MAST2: variants seen among roughly 807,000 people sequenced by gnomAD.
MAST2 encodes the protein microtubule associated serine/threonine kinase 2, also known as microtubule-associated serine/threonine-protein kinase 2.
In MAST2, 70 loss-of-function variants were observed where a neutral mutation model predicts 147.4. The ratio of observed to expected loss-of-function variants is 0.47; its 90% confidence interval spans 0.39 to 0.58. The LOEUF (loss-of-function observed/expected upper bound fraction) is 0.58, where lower values mean the gene tolerates loss of function less well. Ranked by LOEUF, MAST2 falls within the 20% of genes least tolerant of loss-of-function variation. MAST2 has a pLI of 0.00. For synonymous variants in MAST2, 869 were observed against 896.8 expected, an observed-to-expected ratio of 0.97 and a Z score of 0.55; for missense variants, 2,080 against 2,302.3, an observed-to-expected ratio of 0.90 and a Z score of 1.98.
intron 1 of MAST2, among the ~76,000 whole-genome samples, chr1:45,819,983 CAT>C (rs1644571432): frequency 6.6e-6 from 1 of 152,070 alleles, no homozygotes; most frequent in African/African-American, 2.4e-5. Context: ...ATGGTACTGA[CAT>C]AAAAACAAAC....
intron 4 of MAST2, among the ~76,000 whole-genome samples, chr1:45,920,862 G>A (rs1653348303): frequency 6.6e-6 from 1 of 151,322 alleles, no homozygotes; most frequent in African/African-American, 2.4e-5. Flanking sequence ...TTTTTTCGAT[G>A]AGGTGGATAA....
chr1:45,895,147 A>G (rs1304946931), intron 4 of MAST2, among the ~76,000 whole-genome samples: 1 of 152,214 alleles, frequency 6.6e-6, no homozygotes, highest in Non-Finnish European at 1.5e-5. Flanking sequence ...GTAGAATTTC[A>G]TATAAATGAA....
chr1:45,820,071 G>A lies in MAST2; in HGVS notation c.178-4362G>A, dbSNP rs57821883. On this transcript the variant is annotated intron_variant, in intron 1 of 28. Coordinates refer to ENST00000361297, the MANE Select transcript of MAST2 (RefSeq NM_015112.3). ...CAGTGAACTGGTTTTTGACAGAGGT[G>A]CCAAGAACATACTTTGGTAAAAGGA... 3.4e-3 allele frequency among the ~76,000 whole-genome samples: 525 copies of A among 152,234 alleles called. 2 individuals carry two copies. Among genetic ancestry groups the A allele is most frequent in the African/African-American group, 0.011 (476 of 41,552 alleles).
chr1:45,893,085 T>A (rs910101066), intron 4 of MAST2, among the ~76,000 whole-genome samples: 9 of 152,168 alleles, frequency 5.9e-5, no homozygotes, highest in Non-Finnish European at 8.8e-5. Flanking sequence ...TATATTTTTA[T>A]AAAACTCCAG....
chr1:45,884,203 T>C (rs1022828050), intron 4 of MAST2, among the ~76,000 whole-genome samples: 7 of 152,086 alleles, frequency 4.6e-5, no homozygotes, highest in Non-Finnish European at 8.8e-5. Flanking sequence ...TCCTCTTTTT[T>C]GATAAAGTAA....
chr1:45,990,722 G>GCAGT (rs1644825069), intron 5 of MAST2, among the ~76,000 whole-genome samples: 1 of 152,154 alleles, frequency 6.6e-6, no homozygotes, highest in South Asian at 2.1e-4. Flanking sequence ...CTGGGCTCAA[G>GCAGT]CAGTCCTCCA....
intron 3 of MAST2, among the ~76,000 whole-genome samples, chr1:45,852,903 T>C (rs576860408): frequency 6.6e-6 from 1 of 152,270 alleles, no homozygotes; most frequent in Admixed American, 6.5e-5. Context: ...CAATGGATTT[T>C]TTTAAAGCTA....
chr1:45,876,544 G>T (rs1358266233), intron 3 of MAST2, among the ~76,000 whole-genome samples: 2 of 152,182 alleles, frequency 1.3e-5, no homozygotes, highest in African/African-American at 4.8e-5. Context: ...TTGCTGGAAG[G>T]TTATGAGTAA....
At chr1:45,910,575 T>C (rs958281150) in intron 4 of MAST2, among the ~76,000 whole-genome samples, 1 of 152,238 alleles carries the variant, frequency 6.6e-6, no homozygotes, top group African/African-American at 2.4e-5. Flanking sequence ...TGTTCCTCAA[T>C]TGCTGTGTGC....
chr1:45,837,317 T>A (rs944937938), intron 3 of MAST2, among the ~76,000 whole-genome samples: 1 of 152,190 alleles, frequency 6.6e-6, no homozygotes, highest in East Asian at 1.9e-4. Flanking sequence ...CTGATGTGCT[T>A]TTTGTCACTG....
chr1:45,821,509 TTTC>T (rs986258594), intron 1 of MAST2, among the ~76,000 whole-genome samples: 2 of 140,978 alleles, frequency 1.4e-5, no homozygotes, highest in Admixed American at 8.0e-5. Context: ...TGGTATGTTA[TTTC>T]TTCTTTTTTT....
intron 4 of MAST2, among the ~76,000 whole-genome samples, chr1:45,932,774 G>A (rs1422206125): frequency 2.0e-5 from 3 of 152,064 alleles, no homozygotes; most frequent in Non-Finnish European, 4.4e-5. Flanking sequence ...GCTCAAAATT[G>A]TATCATATCT....
At chr1:45,964,118 CA>C (rs1267181546) in intron 5 of MAST2, among the ~76,000 whole-genome samples, 1 of 152,142 alleles carries the variant, frequency 6.6e-6, no homozygotes, top group African/African-American at 2.4e-5. Flanking sequence ...TTCAGTTTGC[CA>C]GTATTTTATT....
At chr1:45,847,459 TAAGATTGA>T (rs1645476647) in intron 3 of MAST2, 2 of 613,082 alleles carry the variant, frequency 3.3e-6, no homozygotes, top group Non-Finnish European at 5.8e-6. Context: ...TTTTCACCAA[TAAGATTGA>T]AACACAAGGC....
intron 4 of MAST2, among the ~76,000 whole-genome samples, chr1:45,928,458 T>C (rs1170014853): frequency 6.6e-5 from 10 of 152,246 alleles, no homozygotes; most frequent in African/African-American, 2.2e-4. Flanking sequence ...TGATACAATT[T>C]AGTGTCTAAA....
intron 4 of MAST2, among the ~76,000 whole-genome samples, chr1:45,951,859 G>A (rs1658976411): frequency 2.0e-5 from 3 of 152,160 alleles, no homozygotes; most frequent in Admixed American, 1.3e-4. Context: ...ATGGAGAAAT[G>A]GGAAGAGGCA....
intron 4 of MAST2, among the ~76,000 whole-genome samples, chr1:45,950,620 C>T (rs1658785970): frequency 6.6e-6 from 1 of 152,146 alleles, no homozygotes; most frequent in South Asian, 2.1e-4. Flanking sequence ...CTGTCAGAAA[C>T]AAACTTAACA....
intron 4 of MAST2, among the ~76,000 whole-genome samples, chr1:45,906,534 G>C (rs868479638): frequency 4.3e-4 from 63 of 147,234 alleles, no homozygotes; most frequent in African/African-American, 1.6e-3. Context: ...TTAATTTATT[G>C]TTAAAAAAAT....
chr1:45,853,184 C>T (rs1645677615), intron 3 of MAST2, among the ~76,000 whole-genome samples: 1 of 152,038 alleles, frequency 6.6e-6, no homozygotes, highest in South Asian at 2.1e-4. Flanking sequence ...CCTGCCTTGG[C>T]CTCCCAAAGT....
Sources: gnomAD v4.1 joint callset for allele counts (sites outside exome capture counted in the v4.1 genomes callset) on GRCh38, gnomAD v4.1.1 for gene constraint, MANE v1.5 for transcripts, NCBI Gene and HGNC (gene_info 2026-07-23, HGNC 2026-07-21) for gene names.